Variants in SMIM14 observed in about 807,000 individuals in gnomAD.
SMIM14 encodes small integral membrane protein 14.
SMIM14 carries 5 observed loss-of-function variants against 12.6 expected under a neutral mutation model. That is an observed-to-expected ratio of 0.40 (90% CI 0.21 to 0.83). The LOEUF is 0.83. Among genes scored for constraint, SMIM14 ranks in the 40% least tolerant of loss-of-function variants. SMIM14 has a pLI of 0.37. For missense variants in SMIM14, 86 were observed against 119.1 expected, an observed-to-expected ratio of 0.72 and a Z score of 1.29; for synonymous variants, 30 against 40.1, an observed-to-expected ratio of 0.75 and a Z score of 0.95.
At chr4:39,617,316 AAGG>A (rs1715262529) in intron 1 of SMIM14, among the ~76,000 whole-genome samples, 1 of 152,182 alleles carries the variant, frequency 6.6e-6, no homozygotes, top group South Asian at 2.1e-4. Context: ...CAGAATTAGT[AAGG>A]AGACTTTTCA....
At chr4:39,609,837 A>C (rs1275327587) in intron 1 of SMIM14, among the ~76,000 whole-genome samples, 4 of 152,234 alleles carry the variant, frequency 2.6e-5, no homozygotes, top group Admixed American at 2.6e-4. Flanking sequence ...ATGCTCTTTC[A>C]ACAGATCAGC....
intron 3 of SMIM14, among the ~76,000 whole-genome samples, chr4:39,566,126 T>C (rs535226700): frequency 6.8e-6 from 1 of 145,996 alleles, no homozygotes; most frequent in South Asian, 2.3e-4. Context: ...ACATACGAGA[T>C]GATGATGGCC....
chr4:39,570,198 T>C (rs1301448538), intron 3 of SMIM14, among the ~76,000 whole-genome samples: 1 of 152,174 alleles, frequency 6.6e-6, no homozygotes, highest in Non-Finnish European at 1.5e-5. Context: ...TCTCGCCCTG[T>C]CACCCAGGCT....
At chr4:39,634,725 A>G (rs1241555801) in intron 1 of SMIM14, among the ~76,000 whole-genome samples, 2 of 152,220 alleles carry the variant, frequency 1.3e-5, no homozygotes, top group Non-Finnish European at 2.9e-5. Flanking sequence ...CATTTCTCAC[A>G]GAAATTAATT....
chr4:39,638,411 C>A, intron 1 of SMIM14: 1 of 944,914 alleles, frequency 1.1e-6, no homozygotes, highest in Non-Finnish European at 1.3e-6. Flanking sequence ...TCTCTTTTTA[C>A]TCCATGATAC....
At chr4:39,576,174 C>T (rs1578325047) in intron 2 of SMIM14, among the ~76,000 whole-genome samples, 1 of 151,228 alleles carries the variant, frequency 6.6e-6, no homozygotes, top group African/African-American at 2.4e-5. Flanking sequence ...GGATTACAGG[C>T]GTGAGTCACC....
chr4:39,592,266 T>TC (rs1578340166), intron 2 of SMIM14, among the ~76,000 whole-genome samples: 1 of 138,386 alleles, frequency 7.2e-6, no homozygotes, highest in East Asian at 2.3e-4. Context: ...GTCATTTGCC[T>TC]CTTTTTTTTT....
rs189060970 is a variant in SMIM14, at chr4:39,552,902, G to A, written c.268-744C>T. On this transcript the variant is annotated intron_variant, in intron 4 of 4. Coordinates refer to ENST00000295958, the MANE Select transcript of SMIM14 (RefSeq NM_174921.3). ...TATTTACCCTGAAATGATACATGAC[G>A]CCCGAGTTGGGGGTGATCAATATTT... Among the ~76,000 whole-genome samples the A allele has an allele frequency of 1.1e-4, 16 of 152,188 alleles. No individual in the cohort carries two copies. In the East Asian group the frequency reaches 2.7e-3, roughly 26 times the overall value.
In SMIM14 at chr4:39,550,808, A is replaced by G. The variant is rs2109973933; in HGVS notation, c.*1318T>C. On this transcript the variant is annotated 3_prime_UTR_variant, in exon 5 of 5. Transcript: ENST00000295958. ...AAGTAAACCAGTAATTTATTAAAAT[A>G]TTTTATAGGTCAGAGGATAACAAAA... 1 of 152,292 alleles carries G rather than the reference A, an allele frequency of 6.6e-6. No homozygotes were observed. The highest frequency in any genetic ancestry group is 1.9e-4 in the East Asian group (1 of 5,190). The allele number at this position is 152,292 out of a possible 1,614,324, so 9.4% of individuals were successfully genotyped here. A position where few individuals can be genotyped will look rare whatever the true frequency, so the allele number is the denominator to read the frequency against.
chr4:39,597,236 C>T (rs1714408711), intron 2 of SMIM14, among the ~76,000 whole-genome samples: 1 of 151,786 alleles, frequency 6.6e-6, no homozygotes, highest in Non-Finnish European at 1.5e-5. Flanking sequence ...TAAAAATGTC[C>T]TACTAGACAC....
chr4:39,630,961 T>A (rs1715875097), intron 1 of SMIM14, among the ~76,000 whole-genome samples: 2 of 151,894 alleles, frequency 1.3e-5, no homozygotes, highest in South Asian at 4.1e-4. Context: ...TAAAAGTCTG[T>A]TCAAAATTTC....
At chr4:39,634,226 C>T (rs946963025) in intron 1 of SMIM14, among the ~76,000 whole-genome samples, 10 of 152,130 alleles carry the variant, frequency 6.6e-5, no homozygotes, top group Non-Finnish European at 1.3e-4. Context: ...CGCGCCCAGC[C>T]GCAGAATGTT....
At chr4:39,561,089 G>A (rs1288587024) in intron 3 of SMIM14, among the ~76,000 whole-genome samples, 1 of 151,854 alleles carries the variant, frequency 6.6e-6, no homozygotes, top group Admixed American at 6.6e-5. Flanking sequence ...TGAAATGCTT[G>A]GGAATACAAG....
intron 1 of SMIM14, among the ~76,000 whole-genome samples, chr4:39,626,629 T>TAA (rs1456108524): frequency 1.8e-4 from 28 of 152,330 alleles, no homozygotes; most frequent in African/African-American, 6.3e-4. Context: ...GCAATCAAGT[T>TAA]AACTGTTAAT....
At chr4:39,556,162 G>GA (rs34507945) in intron 4 of SMIM14, among the ~76,000 whole-genome samples, 15,728 of 128,576 alleles carry the variant, frequency 0.12, 1,895 homozygotes, top group African/African-American at 0.32. Context: ...GACCCTGTCT[G>GA]AAAAAAAAAA....
intron 2 of SMIM14, among the ~76,000 whole-genome samples, chr4:39,595,873 G>A (rs1475908321): frequency 1.3e-5 from 2 of 152,002 alleles, no homozygotes; most frequent in East Asian, 1.9e-4. Flanking sequence ...CCTCCTTTGG[G>A]AAGAGTGCTG....
intron 1 of SMIM14, among the ~76,000 whole-genome samples, chr4:39,619,751 T>G (rs1183370649): frequency 2.5e-5 from 1 of 40,578 alleles, no homozygotes; most frequent in African/African-American, 7.4e-5. Flanking sequence ...TAAATATAAT[T>G]TATTATATAT....
rs968488199 is a variant in SMIM14, at chr4:39,627,541, G to A, written c.-36+11198C>T. ...GAAACTATTCATTTTAAACAGTTGC[G>A]CAAAGATCAAGTGAGAATTTGTAAC... On this transcript the variant is annotated intron_variant, in intron 1 of 4. Coordinates refer to ENST00000295958, the MANE Select transcript of SMIM14 (RefSeq NM_174921.3). Among the ~76,000 whole-genome samples the A allele has an allele frequency of 3.9e-5, 6 of 152,234 alleles. No individual in the cohort carries two copies. The East Asian group carries it at 7.7e-4, about 20-fold the overall frequency.
chr4:39,596,802 C>T (rs745346849), intron 2 of SMIM14, among the ~76,000 whole-genome samples: 1 of 152,074 alleles, frequency 6.6e-6, no homozygotes, highest in Non-Finnish European at 1.5e-5. Flanking sequence ...AATAGTTTTG[C>T]ATTCTCACCG....
Sources: allele counts gnomAD v4.1 joint callset (sites outside exome capture counted in the v4.1 genomes callset), GRCh38; gene constraint gnomAD v4.1.1; transcripts MANE v1.5; gene names NCBI Gene and HGNC (gene_info 2026-07-23, HGNC 2026-07-21).